Variants in SMYD3 observed in about 807,000 individuals in gnomAD.
The protein encoded by SMYD3 is histone-lysine N-methyltransferase SMYD3.
A neutral mutation model predicts 57.7 loss-of-function variants in SMYD3; 36 were observed. That is an observed-to-expected ratio of 0.62 (90% CI 0.48 to 0.82). The LOEUF is 0.82. Ranked by LOEUF, SMYD3 falls within the 40% of genes least tolerant of loss-of-function variation. The probability of loss-of-function intolerance (pLI) is 0.00; values close to 1 mark genes in which losing one functional copy is unlikely to be tolerated. For synonymous variants in SMYD3, 211 were observed against 195.0 expected, an observed-to-expected ratio of 1.08 and a Z score of -0.68; for missense variants, 515 against 538.8, an observed-to-expected ratio of 0.96 and a Z score of 0.44.
intron 5 of SMYD3, among the ~76,000 whole-genome samples, chr1:245,932,418 C>T (rs2056774811): frequency 6.6e-6 from 1 of 152,190 alleles, no homozygotes; most frequent in African/African-American, 2.4e-5. Flanking sequence ...CAGCATTTAT[C>T]ATACTGGATC....
chr1:246,048,698 G>C lies in SMYD3; in HGVS notation c.532-118761C>G, dbSNP rs1358780267. Reference sequence around the variant, plus strand: ...CAGCCTCCTTAAGTTCTCTGGACCCGTTTCCTCATCAGCAAACAGGGAGAA... The same window carrying C: ...CAGCCTCCTTAAGTTCTCTGGACCCCTTTCCTCATCAGCAAACAGGGAGAA... On this transcript the variant is annotated intron_variant, in intron 5 of 11. Transcript: ENST00000490107. 2.0e-5 allele frequency among the ~76,000 whole-genome samples: 3 copies of C among 151,646 alleles called. No individual in the cohort carries two copies. The South Asian group carries it at 6.2e-4, about 32-fold the overall frequency.
intron 5 of SMYD3, among the ~76,000 whole-genome samples, chr1:245,999,153 T>C (rs2058988170): frequency 6.6e-6 from 1 of 151,576 alleles, no homozygotes; most frequent in African/African-American, 2.4e-5. Context: ...GTTAGATATA[T>C]TTTACCACCA....
intron 5 of SMYD3, among the ~76,000 whole-genome samples, chr1:245,959,819 C>T (rs929009351): frequency 6.6e-6 from 1 of 152,162 alleles, no homozygotes; most frequent in Non-Finnish European, 1.5e-5. Context: ...TGCTCTGTTG[C>T]CCAGGCTGTA....
At chr1:246,332,459 T>A (rs2065476584) in intron 3 of SMYD3, among the ~76,000 whole-genome samples, 1 of 152,188 alleles carries the variant, frequency 6.6e-6, no homozygotes, top group South Asian at 2.1e-4. Flanking sequence ...AAGCTGGAAG[T>A]TAACAGAGGT....
intron 5 of SMYD3, among the ~76,000 whole-genome samples, chr1:246,083,100 C>T (rs1337369327): frequency 6.6e-6 from 1 of 151,894 alleles, no homozygotes; most frequent in African/African-American, 2.4e-5. Flanking sequence ...AGCCCGACAC[C>T]CGTAAAGGGT....
intron 7 of SMYD3, among the ~76,000 whole-genome samples, chr1:245,921,872 GT>G (rs1257494883): frequency 1.3e-5 from 2 of 152,064 alleles, no homozygotes; most frequent in Non-Finnish European, 2.9e-5. Context: ...GTGAAAAACT[GT>G]TGGGTACCAT....
chr1:246,330,398 C>T, intron 4 of SMYD3, 82 bp downstream of exon 4: 4 of 1,115,284 alleles, frequency 3.6e-6, no homozygotes, highest in Non-Finnish European at 5.1e-6. Flanking sequence ...AACAGAAAAA[C>T]ATAGTTAAAA....
intron 10 of SMYD3, among the ~76,000 whole-genome samples, chr1:245,851,301 G>A (rs1280798173): frequency 6.6e-6 from 1 of 152,180 alleles, no homozygotes; most frequent in Admixed American, 6.5e-5. Flanking sequence ...TTACCACAGT[G>A]CATTTAAGTA....
intron 5 of SMYD3, among the ~76,000 whole-genome samples, chr1:246,310,196 T>C (rs2065052446): frequency 6.8e-6 from 1 of 147,984 alleles, no homozygotes. Context: ...CAAGACCTGC[T>C]TTTTTCAGAA....
chr1:246,057,148 T>C (rs1186727685), intron 5 of SMYD3, among the ~76,000 whole-genome samples: 3 of 152,188 alleles, frequency 2.0e-5, no homozygotes, highest in Admixed American at 1.3e-4. Flanking sequence ...ATAATAATAA[T>C]TGCATCTACC....
rs145446159 is a variant in SMYD3, at chr1:246,276,856, T to C, written c.531+50345A>G. 3.7e-3 allele frequency among the ~76,000 whole-genome samples: 525 copies of C among 140,568 alleles called. 172 individuals carry two copies. Among genetic ancestry groups the C allele is most frequent in the African/African-American group, 9.2e-3 (325 of 35,460 alleles). The allele number at this position is 140,568 out of a possible 152,430, so 92.2% of individuals were successfully genotyped here. A position where few individuals can be genotyped will look rare whatever the true frequency, so the allele number is the denominator to read the frequency against. ...TTGAATACTAACTCCGTTTTTTCACTAGCCGTATTAACACTGGCAGGTTAT... is the reference window on the plus strand; with the variant it reads ...TTGAATACTAACTCCGTTTTTTCACCAGCCGTATTAACACTGGCAGGTTAT... On this transcript the variant is annotated intron_variant, in intron 5 of 11. Transcript: ENST00000490107.
chr1:246,156,198 A>G (rs1217061083), intron 5 of SMYD3, among the ~76,000 whole-genome samples: 1 of 152,080 alleles, frequency 6.6e-6, no homozygotes, highest in Non-Finnish European at 1.5e-5. Flanking sequence ...TAGTAAATGG[A>G]GCTAATAATA....
chr1:246,503,139 G>T (rs893240501), intron 1 of SMYD3, among the ~76,000 whole-genome samples: 4 of 152,110 alleles, frequency 2.6e-5, no homozygotes, highest in East Asian at 3.8e-4. Flanking sequence ...AGCCAAGAAA[G>T]ATCAGAACAC....
At chr1:245,877,136 C>T (rs938102011) in intron 8 of SMYD3, among the ~76,000 whole-genome samples, 3 of 152,172 alleles carry the variant, frequency 2.0e-5, no homozygotes, top group South Asian at 2.1e-4. Flanking sequence ...CATGGCAGGG[C>T]GGCGCTGCGG....
chr1:245,897,121 TA>T (rs1217685345), intron 8 of SMYD3, among the ~76,000 whole-genome samples: 2 of 152,116 alleles, frequency 1.3e-5, no homozygotes, highest in African/African-American at 4.8e-5. Flanking sequence ...AAAGAAGTTA[TA>T]AAACCAAAAT....
At chr1:245,761,613 A>G (rs1350021719) in intron 11 of SMYD3, among the ~76,000 whole-genome samples, 1 of 152,148 alleles carries the variant, frequency 6.6e-6, no homozygotes, top group African/African-American at 2.4e-5. Context: ...CTGAGTTGGC[A>G]TCATGGGTTC....
At chr1:246,035,431 C>T (rs954576060) in intron 5 of SMYD3, 2 of 152,208 alleles carry the variant, frequency 1.3e-5, no homozygotes, top group African/African-American at 2.4e-5. Context: ...CGGCACAGTT[C>T]CCAGGATGAC....
intron 8 of SMYD3, among the ~76,000 whole-genome samples, chr1:245,895,498 A>C (rs2053711993): frequency 6.9e-6 from 1 of 145,436 alleles, no homozygotes; most frequent in East Asian, 3.0e-4. Context: ...AAAATAGAGT[A>C]AGGCAGCAGA....
At chr1:246,265,153 C>T (rs529972938) in intron 5 of SMYD3, among the ~76,000 whole-genome samples, 9 of 152,156 alleles carry the variant, frequency 5.9e-5, no homozygotes, top group South Asian at 4.1e-4. Context: ...TATTATTTTT[C>T]GAGACAGGGT....
Sources: gnomAD v4.1 joint callset for allele counts (sites outside exome capture counted in the v4.1 genomes callset) on GRCh38, gnomAD v4.1.1 for gene constraint, MANE v1.5 for transcripts, NCBI Gene and HGNC (gene_info 2026-07-23, HGNC 2026-07-21) for gene names.